Variants in RORA observed in about 807,000 individuals in gnomAD.
RORA encodes nuclear receptor ROR-alpha.
Under a neutral mutation model 69.5 loss-of-function variants are expected in RORA, and 7 were observed. The ratio of observed to expected loss-of-function variants is 0.10; its 90% CI spans 0.06 to 0.19. The LOEUF (loss-of-function observed/expected upper bound fraction) is 0.19. Ranked by LOEUF, RORA falls within the 10% of genes least tolerant of loss-of-function variation. The pLI is 1.00. For missense variants in RORA, 457 were observed against 663.0 expected (o/e 0.69, Z 3.41); for synonymous variants, 261 against 240.8 (o/e 1.08, Z -0.78).
Position 61,098,912 on chromosome 15 carries a change from C to A in RORA, c.166+130141G>T, listed in dbSNP as rs143576159. ...AAGTCTTTTGTTTAAAATTCTCTTG[C>A]GTGTTCTACTGAATACTTCCAAAGG... On this transcript the variant is annotated intron_variant, in intron 1 of 10. Coordinates refer to ENST00000335670, the MANE Select transcript of RORA (RefSeq NM_134261.3). 1.1e-3 allele frequency among the ~76,000 whole-genome samples: 169 copies of A among 152,282 alleles called. 1 individual carries two copies. Among genetic ancestry groups the A allele is most frequent in the Admixed American group, 9.4e-3 (143 of 15,292 alleles).
chr15:60,838,731 TA>T (rs1326444175), intron 1 of RORA, among the ~76,000 whole-genome samples: 1 of 152,118 alleles, frequency 6.6e-6, no homozygotes, highest in East Asian at 1.9e-4. Context: ...AAAATCATGT[TA>T]AAAACTTCAG....
chr15:60,932,554 C>T (rs563423378), intron 1 of RORA, among the ~76,000 whole-genome samples: 1 of 152,272 alleles, frequency 6.6e-6, no homozygotes, highest in African/African-American at 2.4e-5. Flanking sequence ...TGCAACAGCT[C>T]GAGATATGCA....
chr15:61,102,956 T>C (rs571670864), intron 1 of RORA, among the ~76,000 whole-genome samples: 2 of 152,348 alleles, frequency 1.3e-5, no homozygotes, highest in East Asian at 3.9e-4. Flanking sequence ...TATGAATGTC[T>C]CTTAATTTTG....
At chr15:60,935,298 C>T (rs574177075) in intron 1 of RORA, among the ~76,000 whole-genome samples, 2 of 152,276 alleles carry the variant, frequency 1.3e-5, no homozygotes, top group South Asian at 2.1e-4. Flanking sequence ...GGAGAAAAGC[C>T]AGAGTTAATC....
intron 1 of RORA, chr15:60,764,065 G>A (rs1156281655): frequency 6.6e-6 from 1 of 152,120 alleles, no homozygotes; most frequent in East Asian, 1.9e-4. Flanking sequence ...AACCCGTTTT[G>A]TTTTAACATT....
At chr15:60,522,179 A>G (rs1395936928) in intron 3 of RORA, among the ~76,000 whole-genome samples, 3 of 152,164 alleles carry the variant, frequency 2.0e-5, no homozygotes, top group African/African-American at 7.2e-5. Context: ...AAAATTAACT[A>G]CTTTTTAATG....
At chr15:61,228,297 C>T (rs553326155) in intron 1 of RORA, among the ~76,000 whole-genome samples, 2 of 152,114 alleles carry the variant, frequency 1.3e-5, no homozygotes, top group South Asian at 2.1e-4. Flanking sequence ...ACACGCCCCC[C>T]GCCAGCCTGG....
intron 1 of RORA, among the ~76,000 whole-genome samples, chr15:60,918,036 C>T (rs118125609): frequency 2.5e-4 from 38 of 152,302 alleles, no homozygotes; most frequent in African/African-American, 6.7e-4. Flanking sequence ...TGTCCCTGTA[C>T]GTAACCTCAT....
At chr15:61,217,665 T>TCC (rs1567041861) in intron 1 of RORA, among the ~76,000 whole-genome samples, 1 of 152,066 alleles carries the variant, frequency 6.6e-6, no homozygotes, top group East Asian at 1.9e-4. Flanking sequence ...TGCTGCTTTA[T>TCC]CCCCAGGCCC....
intron 1 of RORA, among the ~76,000 whole-genome samples, chr15:61,064,870 C>G (rs1344065344): frequency 2.6e-5 from 4 of 152,124 alleles, no homozygotes; most frequent in Non-Finnish European, 5.9e-5. Context: ...GTTCCCCACT[C>G]CACCCTGTCC....
intron 1 of RORA, among the ~76,000 whole-genome samples, chr15:61,013,367 A>G (rs541543554): frequency 6.6e-6 from 1 of 152,322 alleles, no homozygotes; most frequent in South Asian, 2.1e-4. Context: ...AGCCAAACAT[A>G]TTTAACTATC....
chr15:60,961,194 T>C (rs1484681663), intron 1 of RORA, among the ~76,000 whole-genome samples: 1 of 152,182 alleles, frequency 6.6e-6, no homozygotes, highest in East Asian at 1.9e-4. Flanking sequence ...TGTTGTGTCA[T>C]GCTGATCTCT....
intron 2 of RORA, among the ~76,000 whole-genome samples, chr15:60,637,480 T>A (rs1239332160): frequency 6.6e-6 from 1 of 152,156 alleles, no homozygotes; most frequent in Non-Finnish European, 1.5e-5. Context: ...TGTAATTTCT[T>A]CTATTACTGT....
chr15:61,063,499 A>G (rs2078215329), intron 1 of RORA, among the ~76,000 whole-genome samples: 1 of 152,248 alleles, frequency 6.6e-6, no homozygotes, highest in Non-Finnish European at 1.5e-5. Context: ...ACTGTACAAA[A>G]TGAATTTTTG....
At chr15:61,167,482 A>ATTT (rs199752865) in intron 1 of RORA, among the ~76,000 whole-genome samples, 32 of 133,684 alleles carry the variant, frequency 2.4e-4, no homozygotes, top group African/African-American at 5.7e-4. Context: ...TTTGACCAGG[A>ATTT]TTTTTTTTTT....
chr15:61,019,656 T>A (rs1000612444), intron 1 of RORA, among the ~76,000 whole-genome samples: 2 of 152,104 alleles, frequency 1.3e-5, no homozygotes, highest in African/African-American at 4.8e-5. Flanking sequence ...AGCACTCCCC[T>A]CAAAAGAGGA....
At chr15:60,902,073 T>C (rs1461620150) in intron 1 of RORA, among the ~76,000 whole-genome samples, 1 of 152,212 alleles carries the variant, frequency 6.6e-6, no homozygotes, top group Non-Finnish European at 1.5e-5. Context: ...ACTACTGAAA[T>C]ATGAATTAGA....
At chr15:60,620,951 G>A (rs937211303) in intron 2 of RORA, among the ~76,000 whole-genome samples, 5 of 152,338 alleles carry the variant, frequency 3.3e-5, no homozygotes, top group African/African-American at 4.8e-5. Context: ...CTGCAATCCC[G>A]GGCTGCGTTT....
At chr15:61,189,718 A>G (rs2079777982) in intron 1 of RORA, among the ~76,000 whole-genome samples, 1 of 151,938 alleles carries the variant, frequency 6.6e-6, no homozygotes, top group African/African-American at 2.4e-5. Context: ...TTAGCCAGGA[A>G]TGGTGGCGGG....
Sources: allele counts gnomAD v4.1 joint callset (sites outside exome capture counted in the v4.1 genomes callset), GRCh38; gene constraint gnomAD v4.1.1; transcripts MANE v1.5; gene names NCBI Gene and HGNC (gene_info 2026-07-23, HGNC 2026-07-21).